HTR4: variants seen among roughly 807,000 people sequenced by gnomAD.
HTR4 encodes 5-hydroxytryptamine receptor 4.
A neutral mutation model predicts 36.8 loss-of-function variants in HTR4; 16 were observed. That is an observed-to-expected ratio of 0.43 (90% CI 0.29 to 0.66). HTR4 has a LOEUF of 0.66. Ranked by LOEUF, HTR4 falls within the 30% of genes least tolerant of loss-of-function variation. The pLI, the probability that HTR4 is intolerant of heterozygous loss-of-function variation, is 0.13. For synonymous variants in HTR4, 189 were observed against 185.1 expected (o/e 1.02, Z -0.17); for missense variants, 438 against 490.9 (o/e 0.89, Z 1.02).
chr5:148,601,071 G>T lies in HTR4; in HGVS notation c.26+35918C>A, dbSNP rs139493090. 2.7e-3 allele frequency among the ~76,000 whole-genome samples: 390 copies of T among 145,490 alleles called. 1 individual carries two copies. Among genetic ancestry groups the T allele is most frequent in the South Asian group, 6.7e-3 (31 of 4,620 alleles). ...ATTTTTCCAAAGAAGACATAAGAAT[G>T]GCCAAGAAGCATATGAAAAGGTGTT... On this transcript the variant is annotated intron_variant, in intron 2 of 6. Coordinates refer to ENST00000377888, the MANE Select transcript of HTR4 (RefSeq NM_000870.7).
chr5:148,510,146 A>T, intron 5 of HTR4, 122 bp from the exon 6 acceptor site: 1 of 631,284 alleles, frequency 1.6e-6, no homozygotes, highest in East Asian at 2.8e-5. Flanking sequence ...AAGAAAGTGG[A>T]GGATTGGAAG....
intron 5 of HTR4, among the ~76,000 whole-genome samples, chr5:148,469,926 A>G (rs903654857): frequency 2.0e-5 from 3 of 152,178 alleles, no homozygotes; most frequent in African/African-American, 4.8e-5. Flanking sequence ...CTAACTCTTC[A>G]TTTCTCCAAG....
At chr5:148,550,570 C>T (rs1395169178) in intron 2 of HTR4, among the ~76,000 whole-genome samples, 1 of 152,136 alleles carries the variant, frequency 6.6e-6, no homozygotes, top group Admixed American at 6.5e-5. Context: ...TAGTTGATGC[C>T]TGTTTTGTGC....
intron 5 of HTR4, among the ~76,000 whole-genome samples, chr5:148,465,165 A>T (rs1410146571): frequency 6.6e-6 from 1 of 152,182 alleles, no homozygotes; most frequent in African/African-American, 2.4e-5. Flanking sequence ...GATACATGTC[A>T]TTATGTGTTT....
intron 5 of HTR4, among the ~76,000 whole-genome samples, chr5:148,459,119 G>A (rs1267709423): frequency 6.6e-6 from 1 of 152,162 alleles, no homozygotes; most frequent in Non-Finnish European, 1.5e-5. Context: ...ATCTGCTGAT[G>A]CATTGACTGT....
At position 148,644,404 on chromosome 5, in the gene HTR4, TAG is replaced by T; in HGVS notation, c.-47-7345_-47-7344del. On this transcript the variant is annotated intron_variant, in intron 1 of 6. Transcript: ENST00000377888. ...CTAATCTCTCTTTTTAAAAGATGAA[TAG>T]GTCTCAAGCTCACAAGTTTTTTTTT... is the stretch of plus-strand genomic sequence containing the variant. Among the ~76,000 whole-genome samples the T allele has an allele frequency of 2.1e-5, 3 of 143,758 alleles. No homozygotes were observed. In the Admixed American group the frequency reaches 2.2e-4, roughly 10 times the overall value. The allele number at this position is 143,758 out of a possible 152,430, so 94.3% of individuals were successfully genotyped here.
chr5:148,459,569 C>T (rs922243932), intron 5 of HTR4, among the ~76,000 whole-genome samples: 1 of 152,136 alleles, frequency 6.6e-6, no homozygotes, highest in African/African-American at 2.4e-5. Context: ...AGCCCAGAAG[C>T]ACAGGATCTC....
intron 2 of HTR4, among the ~76,000 whole-genome samples, chr5:148,628,274 CT>C (rs1475940559): frequency 6.6e-6 from 1 of 152,196 alleles, no homozygotes. Flanking sequence ...AAAATACTAG[CT>C]TCACCTCTTT....
chr5:148,462,544 A>T (rs761431771), intron 5 of HTR4, among the ~76,000 whole-genome samples: 6 of 152,106 alleles, frequency 3.9e-5, no homozygotes, highest in Non-Finnish European at 8.8e-5. Context: ...CAAAACAGAA[A>T]GTACCAGGCT....
chr5:148,528,480 CAAA>C (rs1228282863), intron 4 of HTR4, among the ~76,000 whole-genome samples: 2 of 151,484 alleles, frequency 1.3e-5, no homozygotes, highest in East Asian at 3.9e-4. Context: ...TGCTTTCGAG[CAAA>C]AAATCTAGAA....
At chr5:148,519,838 G>T (rs1355592026) in intron 5 of HTR4, among the ~76,000 whole-genome samples, 1 of 152,132 alleles carries the variant, frequency 6.6e-6, no homozygotes, top group Non-Finnish European at 1.5e-5. Flanking sequence ...GGTTTAAAAT[G>T]GACCCTAAGT....
At chr5:148,530,596 C>A (rs1201117351) in intron 4 of HTR4, among the ~76,000 whole-genome samples, 2 of 152,232 alleles carry the variant, frequency 1.3e-5, no homozygotes, top group Non-Finnish European at 2.9e-5. Context: ...CATGGAGAAC[C>A]TCTGCTAGAG....
chr5:148,473,904 C>T (rs914325987), downstream of HTR4, among the ~76,000 whole-genome samples: 1 of 151,586 alleles, frequency 6.6e-6, no homozygotes, highest in African/African-American at 2.4e-5. Context: ...CAAAGAAATG[C>T]CAGGAAATTA....
At chr5:148,461,532 C>T (rs766435990) in intron 5 of HTR4, among the ~76,000 whole-genome samples, 9 of 151,912 alleles carry the variant, frequency 5.9e-5, no homozygotes, top group Admixed American at 2.6e-4. Context: ...AGGTGCATTA[C>T]GTAATAATAA....
intron 5 of HTR4, among the ~76,000 whole-genome samples, chr5:148,513,044 C>A (rs937535243): frequency 6.6e-6 from 1 of 151,766 alleles, no homozygotes; most frequent in African/African-American, 2.4e-5. Context: ...GTCACCCAGG[C>A]TGGAGTGCAG....
At chr5:148,593,277 C>A (rs1412236297) in intron 2 of HTR4, among the ~76,000 whole-genome samples, 1 of 152,146 alleles carries the variant, frequency 6.6e-6, no homozygotes, top group African/African-American at 2.4e-5. Flanking sequence ...CGGCAGGAGA[C>A]CTGCCAGGGC....
At chr5:148,546,480 C>A (rs1241406630) in intron 4 of HTR4, among the ~76,000 whole-genome samples, 1 of 152,192 alleles carries the variant, frequency 6.6e-6, no homozygotes, top group African/African-American at 2.4e-5. Context: ...CATCCTGTTT[C>A]ATGACAACTC....
chr5:148,636,333 C>G (rs1753534991), intron 2 of HTR4, among the ~76,000 whole-genome samples: 1 of 152,166 alleles, frequency 6.6e-6, no homozygotes, highest in Non-Finnish European at 1.5e-5. Flanking sequence ...CTACTGATAT[C>G]TATGGATAAT....
intron 6 of HTR4, among the ~76,000 whole-genome samples, chr5:148,493,689 GA>G (rs1159428351): frequency 6.6e-6 from 1 of 151,926 alleles, no homozygotes; most frequent in Non-Finnish European, 1.5e-5. Flanking sequence ...GAAAAAAAAA[GA>G]AAGGCTTTAA....
Sources: gnomAD v4.1 joint callset for allele counts (sites outside exome capture counted in the v4.1 genomes callset) on GRCh38, gnomAD v4.1.1 for gene constraint, MANE v1.5 for transcripts, NCBI Gene and HGNC (gene_info 2026-07-23, HGNC 2026-07-21) for gene names.